The following MTSS1 variants were observed in gnomAD, a reference collection of about 807,000 sequenced individuals.
MTSS1 encodes the protein MTSS I-BAR domain containing 1, also known as protein MTSS 1.
In MTSS1, 18 loss-of-function variants were observed where a neutral mutation model predicts 79.0. The observed-to-expected ratio is 0.23, with a 90% CI of 0.16 to 0.34. The LOEUF is 0.34. Among genes scored for constraint, MTSS1 ranks in the 10% least tolerant of loss-of-function variants. The pLI is 1.00. For missense variants in MTSS1, 815 were observed against 986.2 expected (o/e 0.83, Z 2.33); for synonymous variants, 341 against 368.6 (o/e 0.93, Z 0.86).
intron 3 of MTSS1, among the ~76,000 whole-genome samples, chr8:124,621,576 G>A (rs558203138): frequency 3.3e-5 from 5 of 152,104 alleles, no homozygotes; most frequent in South Asian, 2.1e-4. Context: ...ACGGCGTCTC[G>A]CCCTGTCGCC....
At chr8:124,616,100 T>C (rs2133402880) in intron 3 of MTSS1, among the ~76,000 whole-genome samples, 1 of 152,336 alleles carries the variant, frequency 6.6e-6, no homozygotes, top group East Asian at 1.9e-4. Flanking sequence ...TGCAAGTTCA[T>C]GATGCCAAAT....
chr8:124,684,781 C>A (rs1587795655), intron 3 of MTSS1, among the ~76,000 whole-genome samples: 1 of 152,078 alleles, frequency 6.6e-6, no homozygotes, highest in East Asian at 1.9e-4. Flanking sequence ...GTAGAAAACC[C>A]CTTGAAAAAA....
chr8:124,696,200 G>A (rs889025879), intron 3 of MTSS1, among the ~76,000 whole-genome samples: 1 of 151,962 alleles, frequency 6.6e-6, no homozygotes, highest in East Asian at 1.9e-4. Flanking sequence ...GTTGGTCAGG[G>A]TAGTCTTGAA....
chr8:124,682,170 G>A (rs11779339), intron 3 of MTSS1, among the ~76,000 whole-genome samples: 23,439 of 152,198 alleles, frequency 0.15, 2,028 homozygotes, highest in East Asian at 0.38. Context: ...TAGCCCTCAC[G>A]CCAGAATAAT....
At chr8:124,713,670 C>T (rs1831496928) in intron 1 of MTSS1, among the ~76,000 whole-genome samples, 1 of 149,290 alleles carries the variant, frequency 6.7e-6, no homozygotes, top group Admixed American at 6.6e-5. Flanking sequence ...ATGATCTGCC[C>T]GCCTCAGCCT....
At chr8:124,666,095 G>A (rs1030614191) in intron 3 of MTSS1, among the ~76,000 whole-genome samples, 8 of 152,288 alleles carry the variant, frequency 5.3e-5, no homozygotes, top group Non-Finnish European at 8.8e-5. Flanking sequence ...CACAGTAAAT[G>A]TTCAATAGTC....
At chr8:124,718,934 C>T (rs912352374) in intron 1 of MTSS1, among the ~76,000 whole-genome samples, 6 of 152,302 alleles carry the variant, frequency 3.9e-5, no homozygotes, top group Admixed American at 1.3e-4. Context: ...AGAGGGAGAC[C>T]CCTTGAGCTT....
chr8:124,663,758 A>C (rs1822531686), intron 3 of MTSS1, among the ~76,000 whole-genome samples: 1 of 152,098 alleles, frequency 6.6e-6, no homozygotes. Context: ...ATGGCCTCCT[A>C]CAGGAAAAGC....
intron 3 of MTSS1, among the ~76,000 whole-genome samples, chr8:124,646,751 A>T (rs1381858317): frequency 2.6e-5 from 4 of 152,076 alleles, no homozygotes; most frequent in Non-Finnish European, 5.9e-5. Context: ...CTAAATAAAC[A>T]TGTTGTATAA....
rs200039585 is a variant in MTSS1, at chr8:124,557,921, A to G, written c.1036-46T>C. 3.9e-5 allele frequency: 56 copies of G among 1,448,152 alleles called. No individual in the cohort carries two copies. The African/African-American group carries it at 5.5e-4, about 14-fold the overall frequency. The allele number at this position is 1,448,152 out of a possible 1,614,324, so 89.7% of individuals were successfully genotyped here. Reference sequence around the variant, plus strand: ...GGGGGGGGAAGGAAAAAAAATTAATATAACAGGATGAGTGCGGAGATACAA... The same window carrying G: ...GGGGGGGGAAGGAAAAAAAATTAATGTAACAGGATGAGTGCGGAGATACAA... On this transcript the variant is annotated intron_variant, in intron 10 of 13. Transcript: ENST00000518547.
chr8:124,637,335 G>A (rs1450083883), intron 3 of MTSS1, among the ~76,000 whole-genome samples: 5 of 152,204 alleles, frequency 3.3e-5, no homozygotes, highest in Non-Finnish European at 4.4e-5. Flanking sequence ...ACAGAGTCAG[G>A]GGAGTTTTGG....
chr8:124,589,149 G>A (rs1166762217), intron 5 of MTSS1, among the ~76,000 whole-genome samples: 1 of 151,848 alleles, frequency 6.6e-6, no homozygotes, highest in African/African-American at 2.4e-5. Flanking sequence ...TTGTGTCTCA[G>A]CCTCCCAAGT....
At chr8:124,714,334 C>T (rs990300162) in intron 1 of MTSS1, among the ~76,000 whole-genome samples, 7 of 152,314 alleles carry the variant, frequency 4.6e-5, no homozygotes, top group Middle Eastern at 3.4e-3. Flanking sequence ...ATAGGAAAAT[C>T]GGGCACAGAA....
chr8:124,571,676 G>A (rs960458624), intron 6 of MTSS1, among the ~76,000 whole-genome samples: 1 of 152,136 alleles, frequency 6.6e-6, no homozygotes, highest in African/African-American at 2.4e-5. Flanking sequence ...AAAAATAACA[G>A]CCTATGAGGC....
chr8:124,628,441 G>A (rs1815186669), intron 3 of MTSS1, among the ~76,000 whole-genome samples: 1 of 152,052 alleles, frequency 6.6e-6, no homozygotes, highest in Non-Finnish European at 1.5e-5. Flanking sequence ...CCAGCCCAGG[G>A]CTGGCATTTA....
chr8:124,662,422 C>A (rs944348733), intron 3 of MTSS1, among the ~76,000 whole-genome samples: 1 of 152,194 alleles, frequency 6.6e-6, no homozygotes, highest in African/African-American at 2.4e-5. Context: ...ATGCCATACA[C>A]AGCACAGGAC....
At chr8:124,657,545 C>T (rs1373543548) in intron 3 of MTSS1, among the ~76,000 whole-genome samples, 3 of 151,868 alleles carry the variant, frequency 2.0e-5, no homozygotes, top group African/African-American at 7.3e-5. Context: ...AGTTACTTTC[C>T]TCTGCACTGA....
At chr8:124,588,959 C>T (rs1469481223) in intron 5 of MTSS1, among the ~76,000 whole-genome samples, 1 of 152,026 alleles carries the variant, frequency 6.6e-6, no homozygotes, top group Non-Finnish European at 1.5e-5. Context: ...AAGTGATCTG[C>T]CCACCTGAGC....
chr8:124,700,904 A>C (rs1164248653), intron 2 of MTSS1, among the ~76,000 whole-genome samples: 1 of 152,198 alleles, frequency 6.6e-6, no homozygotes, highest in Non-Finnish European at 1.5e-5. Flanking sequence ...GAAGAATAAC[A>C]ATAAGGACTA....
Sources: allele counts gnomAD v4.1 joint callset (sites outside exome capture counted in the v4.1 genomes callset), GRCh38; gene constraint gnomAD v4.1.1; transcripts MANE v1.5; gene names NCBI Gene and HGNC (gene_info 2026-07-23, HGNC 2026-07-21).